Variants in RNF217 observed in about 807,000 individuals in gnomAD.
RNF217 encodes ring finger protein 217.
Under a neutral mutation model 57.8 loss-of-function variants are expected in RNF217, and 31 were observed. The observed-to-expected ratio is 0.54, with a 90% CI of 0.40 to 0.72. RNF217 has a LOEUF of 0.72. Among genes scored for constraint, RNF217 ranks in the 30% least tolerant of loss-of-function variants. The probability of loss-of-function intolerance (pLI) is 0.00; values close to 1 mark genes in which losing one functional copy is unlikely to be tolerated. For synonymous variants in RNF217, 313 were observed against 294.0 expected (o/e 1.06, Z -0.66); for missense variants, 696 against 708.3 (o/e 0.98, Z 0.20).
intron 1 of RNF217, among the ~76,000 whole-genome samples, chr6:125,019,357 A>G (rs527580090): frequency 2.6e-5 from 4 of 152,162 alleles, no homozygotes; most frequent in Non-Finnish European, 5.9e-5. Context: ...CAACTCTGCT[A>G]TCTTTCTTAC....
chr6:124,981,862 C>T (rs1031271367), intron 1 of RNF217, among the ~76,000 whole-genome samples: 13 of 128,584 alleles, frequency 1.0e-4, no homozygotes, highest in African/African-American at 2.9e-4. Context: ...ACTAAAAATA[C>T]AAAAAAAAAA....
intron 1 of RNF217, among the ~76,000 whole-genome samples, chr6:124,968,704 T>C (rs1198586454): frequency 6.6e-6 from 1 of 152,232 alleles, no homozygotes; most frequent in African/African-American, 2.4e-5. Flanking sequence ...CATCAGCTGA[T>C]ACCTTTAGAG....
chr6:124,996,381 G>A (rs954547075), intron 1 of RNF217, among the ~76,000 whole-genome samples: 2 of 151,710 alleles, frequency 1.3e-5, no homozygotes, highest in African/African-American at 4.8e-5. Flanking sequence ...CCATTTTTCT[G>A]TTTCTTGGGT....
chr6:124,972,162 C>T (rs942430247), intron 1 of RNF217, among the ~76,000 whole-genome samples: 3 of 152,228 alleles, frequency 2.0e-5, no homozygotes, highest in Non-Finnish European at 2.9e-5. Flanking sequence ...ATTCATTGTA[C>T]TCAGGTCAGA....
rs1788902397 is a variant in RNF217 at position 125,090,414 on chromosome 6, A to G, written c.*7477A>G. ...TGTAAGGCAATTTTATGAAACAAAC[A>G]TTTATATCAATGTATATCTATTTCA... On this transcript the variant is annotated 3_prime_UTR_variant, in exon 6 of 6. Coordinates refer to ENST00000521654, the MANE Select transcript of RNF217 (RefSeq NM_001286398.3). The G allele has an allele frequency of 6.6e-6, 1 of 152,010 alleles. No homozygotes were observed. The allele number at this position is 152,010 out of a possible 1,614,324, so 9.4% of individuals were successfully genotyped here. A position where few individuals can be genotyped will look rare whatever the true frequency, so the allele number is the denominator to read the frequency against.
At chr6:125,033,904 G>A (rs1338491977) in intron 1 of RNF217, among the ~76,000 whole-genome samples, 2 of 151,938 alleles carry the variant, frequency 1.3e-5, no homozygotes, top group African/African-American at 2.4e-5. Context: ...GTGTGAGATG[G>A]TATCTCATTG....
rs866226227 is a variant in RNF217 at position 124,962,775 on chromosome 6, C to G, written c.231C>G (p.Gly77=). The change falls in exon 1 of 6, where the codon GGC becomes GGG. Residue 77 remains glycine (G), a synonymous_variant. Transcript: ENST00000521654. The surrounding 1 kb of genome is among the most constrained non-coding windows in gnomAD (Gnocchi z 4.6). ...PEPARSLGPP[G]WSKSRAPAQP... ...CCGCGAGGAGCCTGGGGCCCCCGGGCTGGAGTAAGAGCCGAGCACCGGCGC... is the reference window on the plus strand; with the variant it reads ...CCGCGAGGAGCCTGGGGCCCCCGGGGTGGAGTAAGAGCCGAGCACCGGCGC... 3.1e-6 allele frequency: 5 copies of G among 1,595,672 alleles called. No individual in the cohort carries two copies. In the African/African-American group the frequency reaches 5.3e-5, roughly 17 times the overall value.
In RNF217 at chr6:124,962,769, C is replaced by T. The variant is rs756264440; in HGVS notation, c.225C>T (p.Pro75=). 3.8e-6 allele frequency: 6 copies of T among 1,594,674 alleles called. No homozygotes were observed. The South Asian group carries it at 4.4e-5, about 12-fold the overall frequency. ...CAGAGCCCGCGAGGAGCCTGGGGCC[C>T]CCGGGCTGGAGTAAGAGCCGAGCAC... ...SAPEPARSLG[P]PGWSKSRAPA... The change falls in exon 1 of 6, where the codon CCC becomes CCT. Residue 75 remains proline (P), a synonymous_variant. Transcript: ENST00000521654. This position sits in a 1 kb window ranked among gnomAD's most constrained non-coding sequence, Gnocchi z 4.6.
At position 125,083,067 on chromosome 6, in the gene RNF217, C is replaced by T. The variant is rs1184042005; in HGVS notation, c.*130C>T. ...ACCATCTCATCTCCCAGTGATTCTC[C>T]GTGGGCCACAATGCCTCTAGCTATG... On this transcript the variant is annotated 3_prime_UTR_variant, in exon 6 of 6. Coordinates refer to ENST00000521654, the MANE Select transcript of RNF217 (RefSeq NM_001286398.3). 2.2e-5 allele frequency: 13 copies of T among 602,842 alleles called. No individual in the cohort carries two copies. Among genetic ancestry groups the T allele is most frequent in the South Asian group, 4.9e-5 (2 of 40,866 alleles). The allele number at this position is 602,842 out of a possible 1,614,324, so 37.3% of individuals were successfully genotyped here. A position where few individuals can be genotyped will look rare whatever the true frequency, so the allele number is the denominator to read the frequency against.
In RNF217 at chr6:125,077,742, C is replaced by T. The variant is rs147242157; in HGVS notation, c.1483+884C>T. Among the ~76,000 whole-genome samples, 344 of 152,266 alleles carry T rather than the reference C, an allele frequency of 2.3e-3. 3 individuals carry two copies. Among genetic ancestry groups the T allele is most frequent in the Non-Finnish European group, 3.2e-3 (216 of 68,022 alleles). On this transcript the variant is annotated intron_variant, in intron 4 of 5. Coordinates refer to ENST00000521654, the MANE Select transcript of RNF217 (RefSeq NM_001286398.3). ...ATGTCTGTTAGAATTCCTTTTCTGGCCGTGTTTCTCATGTGTAGGCAATAC... is the reference window on the plus strand; with the variant it reads ...ATGTCTGTTAGAATTCCTTTTCTGGTCGTGTTTCTCATGTGTAGGCAATAC...
At chr6:125,061,861 A>AT (rs1787747369) in intron 3 of RNF217, among the ~76,000 whole-genome samples, 1 of 151,612 alleles carries the variant, frequency 6.6e-6, no homozygotes, top group Non-Finnish European at 1.5e-5. Context: ...TCTTTATTTG[A>AT]TTTTTTAATA....
At chr6:125,019,653 C>G (rs757862581) in intron 1 of RNF217, among the ~76,000 whole-genome samples, 5 of 152,052 alleles carry the variant, frequency 3.3e-5, no homozygotes, top group African/African-American at 1.2e-4. Flanking sequence ...CCAAATTAGA[C>G]GAATAATTTA....
At chr6:125,053,857 G>C (rs948780106) in intron 2 of RNF217, among the ~76,000 whole-genome samples, 7 of 152,090 alleles carry the variant, frequency 4.6e-5, no homozygotes, top group Admixed American at 4.6e-4. Context: ...TTGAAGCCCT[G>C]CTTGCCTCTT....
intron 3 of RNF217, among the ~76,000 whole-genome samples, chr6:125,068,919 G>T (rs1051265607): frequency 1.2e-4 from 19 of 152,110 alleles, no homozygotes; most frequent in Non-Finnish European, 1.8e-4. Context: ...TTAGTAGGAT[G>T]ACATGTATAA....
chr6:124,979,740 C>G (rs539374799), intron 1 of RNF217, among the ~76,000 whole-genome samples: 89 of 152,306 alleles, frequency 5.8e-4, no homozygotes, highest in African/African-American at 2.1e-3. Context: ...TTTGCTTGAG[C>G]TGTAACATGA....
chr6:125,045,183 T>C (rs746009754), intron 1 of RNF217, 28 bp from the exon 2 acceptor site: 2 of 1,475,180 alleles, frequency 1.4e-6, no homozygotes, highest in Non-Finnish European at 1.9e-6. Flanking sequence ...GACGTTTTTT[T>C]CCTTCCATCT....
rs764178122 is a variant in RNF217, at chr6:124,962,771, C to G, written c.227C>G (p.Pro76Arg). 4.4e-6 allele frequency: 7 copies of G among 1,594,592 alleles called. No homozygotes were observed. In the South Asian group the frequency reaches 6.6e-5, roughly 15 times the overall value. The change falls in exon 1 of 6, where the codon CCG (proline) becomes CGG (arginine). Residue 76 changes from proline (P) to arginine (R), a missense_variant. Pro to Arg is a moderately radical substitution (Grantham distance 103, BLOSUM62 -2). Coordinates refer to ENST00000521654, the MANE Select transcript of RNF217 (RefSeq NM_001286398.3). This position sits in a 1 kb window ranked among gnomAD's most constrained non-coding sequence, Gnocchi z 4.6. ...APEPARSLGP[P>R]GWSKSRAPAQ... Reference sequence around the variant, plus strand: ...GAGCCCGCGAGGAGCCTGGGGCCCCCGGGCTGGAGTAAGAGCCGAGCACCG... The same window carrying G: ...GAGCCCGCGAGGAGCCTGGGGCCCCGGGGCTGGAGTAAGAGCCGAGCACCG...
intron 2 of RNF217, among the ~76,000 whole-genome samples, chr6:125,054,295 G>A (rs571171425): frequency 6.6e-6 from 1 of 152,180 alleles, no homozygotes; most frequent in Admixed American, 6.5e-5. Flanking sequence ...GAAATGTACT[G>A]TTTCTTGGGC....
chr6:125,059,148 G>A (rs1205067171), intron 3 of RNF217, among the ~76,000 whole-genome samples: 2 of 152,128 alleles, frequency 1.3e-5, no homozygotes, highest in East Asian at 3.9e-4. Context: ...GTAAGGAAAA[G>A]TATTGTATGA....
Sources: gnomAD v4.1 joint callset for allele counts (sites outside exome capture counted in the v4.1 genomes callset) on GRCh38, gnomAD v4.1.1 for gene constraint, Gnocchi (gnomAD v3.1) non-coding constraint, MANE v1.5 for transcripts, NCBI Gene and HGNC (gene_info 2026-07-23, HGNC 2026-07-21) for gene names.